Variants in KANSL1L observed in about 807,000 individuals in gnomAD.
KANSL1L encodes the protein KAT8 regulatory NSL complex subunit 1-like protein.
KANSL1L carries 25 observed loss-of-function variants against 108.6 expected under a neutral mutation model. The ratio of observed to expected loss-of-function variants is 0.23; its 90% CI spans 0.17 to 0.32. The LOEUF is 0.32. KANSL1L is among the 10% of genes least tolerant of loss of function. The pLI is 1.00. For synonymous variants in KANSL1L, 405 were observed against 395.1 expected (o/e 1.03, Z -0.30); for missense variants, 1,137 against 1,125.7 (o/e 1.01, Z -0.14).
intron 6 of KANSL1L, among the ~76,000 whole-genome samples, chr2:210,059,489 G>A (rs1419156811): frequency 1.3e-5 from 2 of 152,198 alleles, no homozygotes; most frequent in Non-Finnish European, 2.9e-5. Context: ...CCACTAAAAT[G>A]TGCTGCTTCC....
At chr2:210,087,324 C>T (rs2094647308) in intron 5 of KANSL1L, among the ~76,000 whole-genome samples, 1 of 152,132 alleles carries the variant, frequency 6.6e-6, no homozygotes, top group East Asian at 1.9e-4. Context: ...TGGCCATCCT[C>T]TTGTTGCTTT....
At chr2:210,076,039 T>C (rs966173895) in intron 5 of KANSL1L, among the ~76,000 whole-genome samples, 4 of 152,226 alleles carry the variant, frequency 2.6e-5, no homozygotes, top group African/African-American at 7.2e-5. Flanking sequence ...TAATTGCTCA[T>C]TGTAAAACAA....
Position 210,154,047 on chromosome 2 carries a change from A to G in KANSL1L, c.536T>C (p.Leu179Pro). 6.2e-7 allele frequency: 1 copy of G among 1,613,936 alleles called. No homozygotes were observed. The highest frequency in any genetic ancestry group is 8.5e-7 in the Non-Finnish European group (1 of 1,179,908). Reference protein sequence around the residue: ...QNCKWYQENALLDKVTDAEIK... With the variant: ...QNCKWYQENAPLDKVTDAEIK... The stretch of plus-strand genomic sequence containing the variant: ...CTCAGCATCAGTAACTTTATCCAAA[A>G]GTGCATTCTCTTGATACCATTTACA... The change falls in exon 2 of 15, where the codon CTT (leucine) becomes CCT (proline). Residue 179 changes from leucine to proline, a missense_variant. By Grantham distance (98) the Leu-to-Pro change is moderately conservative. Around this residue, in one of 3 missense-constraint regions of KANSL1L, gnomAD observed 556 missense variants for 537.7 expected, o/e 1.03. Transcript: ENST00000281772.
At chr2:210,079,254 G>C (rs2094563737) in intron 5 of KANSL1L, among the ~76,000 whole-genome samples, 1 of 152,082 alleles carries the variant, frequency 6.6e-6, no homozygotes. Flanking sequence ...CCTAGAAACT[G>C]AGGATGCAAC....
chr2:210,115,355 T>C (rs1262638127), intron 3 of KANSL1L, among the ~76,000 whole-genome samples: 1 of 152,132 alleles, frequency 6.6e-6, no homozygotes, highest in Non-Finnish European at 1.5e-5. Flanking sequence ...TTATAAACAT[T>C]TATGAAACCA....
intron 1 of KANSL1L, among the ~76,000 whole-genome samples, chr2:210,156,216 A>G (rs2095332183): frequency 6.6e-6 from 1 of 152,104 alleles, no homozygotes. Context: ...TAACAAAACA[A>G]GAGCCTAGTT....
At chr2:210,157,331 G>A (rs940691102) in intron 1 of KANSL1L, among the ~76,000 whole-genome samples, 3 of 152,118 alleles carry the variant, frequency 2.0e-5, no homozygotes, top group Non-Finnish European at 4.4e-5. Flanking sequence ...AGAGACAGAA[G>A]GTGAAATATC....
chr2:210,153,409 C>A, intron 2 of KANSL1L, 86 bp downstream of exon 2: 16 of 981,852 alleles, frequency 1.6e-5, no homozygotes, highest in East Asian at 2.6e-5. Flanking sequence ...TTTAGAAAAT[C>A]TATTTCTTGT....
At chr2:210,100,364 A>G (rs946273840) in intron 4 of KANSL1L, among the ~76,000 whole-genome samples, 6 of 152,210 alleles carry the variant, frequency 3.9e-5, no homozygotes, top group Non-Finnish European at 5.9e-5. Flanking sequence ...AGTACTAAAA[A>G]CAAGGTATTA....
intron 1 of KANSL1L, among the ~76,000 whole-genome samples, chr2:210,164,153 C>T (rs548294829): frequency 6.6e-6 from 1 of 152,144 alleles, no homozygotes; most frequent in South Asian, 2.1e-4. Context: ...TATCATATAT[C>T]AACATGTAAT....
chr2:210,030,134 A>G (rs915010289), intron 9 of KANSL1L, among the ~76,000 whole-genome samples: 2 of 152,014 alleles, frequency 1.3e-5, no homozygotes, highest in Non-Finnish European at 2.9e-5. Context: ...GGCAGTTTTT[A>G]TCGAATATAT....
At position 210,022,824 on chromosome 2, in the gene KANSL1L, A is replaced by C. The variant is rs376580380; in HGVS notation, c.*125T>G. On this transcript the variant is annotated 3_prime_UTR_variant, in exon 15 of 15. Transcript: ENST00000281772. ...ACAGACTTATCTTGCCTGTTTCATAAACAGCATAAAAGATTAATACATGCA... is the reference window on the plus strand; with the variant it reads ...ACAGACTTATCTTGCCTGTTTCATACACAGCATAAAAGATTAATACATGCA... 1.6e-4 allele frequency: 112 copies of C among 693,258 alleles called. 1 individual carries two copies. Among genetic ancestry groups the C allele is most frequent in the Non-Finnish European group, 2.4e-4 (99 of 412,376 alleles). 42.9% of individuals were successfully genotyped at this position (693,258 alleles called of 1,614,324 possible).
intron 6 of KANSL1L, among the ~76,000 whole-genome samples, chr2:210,059,180 G>A (rs1376475382): frequency 6.6e-6 from 1 of 151,490 alleles, no homozygotes; most frequent in Non-Finnish European, 1.5e-5. Context: ...GGCTTCAAGA[G>A]GCATGTAACT....
At chr2:210,063,971 A>C (rs565038332) in intron 6 of KANSL1L, 1 of 152,170 alleles carries the variant, frequency 6.6e-6, no homozygotes, top group Admixed American at 6.5e-5. Flanking sequence ...TCCTCACTCA[A>C]ATCTCATCTT....
chr2:210,141,156 TCC>T (rs1444336596), intron 2 of KANSL1L, among the ~76,000 whole-genome samples: 2 of 87,068 alleles, frequency 2.3e-5, no homozygotes, highest in East Asian at 4.9e-4. Context: ...CCTTCCCCAC[TCC>T]TCTCTGTTTT....
chr2:210,131,463 A>G (rs1458801325), intron 2 of KANSL1L, among the ~76,000 whole-genome samples: 1 of 152,134 alleles, frequency 6.6e-6, no homozygotes, highest in Non-Finnish European at 1.5e-5. Context: ...ATAATATGCA[A>G]TTTGGTTTGG....
chr2:210,157,351 G>A (rs1203008971), intron 1 of KANSL1L, among the ~76,000 whole-genome samples: 1 of 152,092 alleles, frequency 6.6e-6, no homozygotes, highest in Non-Finnish European at 1.5e-5. Context: ...CACAAGGCAG[G>A]AAAATTCATC....
chr2:210,029,866 G>C lies in KANSL1L; in HGVS notation c.2208C>G (p.Ser736=). 1 of 1,606,798 alleles carries C rather than the reference G, an allele frequency of 6.2e-7. No individual in the cohort carries two copies. Among genetic ancestry groups the C allele is most frequent in the Non-Finnish European group, 8.5e-7 (1 of 1,175,708 alleles). ...TGGAAACAGCAGTAAAATTGCTATGGGATCCTGATTCTGTGTGTTGAAAAT... is the reference window on the plus strand; with the variant it reads ...TGGAAACAGCAGTAAAATTGCTATGCGATCCTGATTCTGTGTGTTGAAAAT... ...ESDFQHTESG[S]HSNFTAVSNV... Residue 736 remains serine, a synonymous_variant, in exon 10 of 15, where the codon TCC becomes TCG. Transcript: ENST00000281772.
At chr2:210,142,458 A>C (rs563433476) in intron 2 of KANSL1L, among the ~76,000 whole-genome samples, 6 of 151,724 alleles carry the variant, frequency 4.0e-5, no homozygotes, top group African/African-American at 1.5e-4. Context: ...TGGTTTCATC[A>C]ATCTTTTCTA....
Sources: gnomAD v4.1 joint callset for allele counts (sites outside exome capture counted in the v4.1 genomes callset) on GRCh38, gnomAD v4.1.1 for gene constraint, gnomAD v4.1.1 regional missense constraint, MANE v1.5 for transcripts, NCBI Gene and HGNC (gene_info 2026-07-23, HGNC 2026-07-21) for gene names.